The following VOPP1 variants were observed in gnomAD, a reference collection of about 807,000 sequenced individuals.
VOPP1 encodes VOPP1 WW domain binding protein, also known as WW domain binding protein VOPP1.
A neutral mutation model predicts 23.5 loss-of-function variants in VOPP1; 8 were observed. That is an observed-to-expected ratio of 0.34 (90% CI 0.20 to 0.61). The LOEUF (loss-of-function observed/expected upper bound fraction) is 0.61. Ranked by LOEUF, VOPP1 falls within the 20% of genes least tolerant of loss-of-function variation. The pLI is 0.78. For synonymous variants in VOPP1, 83 were observed against 97.3 expected, an observed-to-expected ratio of 0.85 and a Z score of 0.86; for missense variants, 174 against 238.1, an observed-to-expected ratio of 0.73 and a Z score of 1.77.
At chr7:55,528,328 A>G (rs1796307981) in intron 1 of VOPP1, among the ~76,000 whole-genome samples, 1 of 152,234 alleles carries the variant, frequency 6.6e-6, no homozygotes, top group African/African-American at 2.4e-5. Flanking sequence ...AGTTGGTACT[A>G]GAGATGATTG....
rs555394987 is a variant in VOPP1 at position 55,557,161 on chromosome 7, T to C, written c.54+15110A>G. On this transcript the variant is annotated intron_variant, in intron 1 of 4. Transcript: ENST00000285279. ...TAAATCATATTCTGACCCCTTTCATTATTTTAGGTTGGCAAGTCAATCTGC... is the reference window on the plus strand; with the variant it reads ...TAAATCATATTCTGACCCCTTTCATCATTTTAGGTTGGCAAGTCAATCTGC... 2.0e-5 allele frequency among the ~76,000 whole-genome samples: 3 copies of C among 152,302 alleles called. No individual in the cohort carries two copies. In the East Asian group the frequency reaches 5.8e-4, roughly 29 times the overall value.
chr7:55,522,997 A>G (rs191651820), intron 1 of VOPP1, among the ~76,000 whole-genome samples: 1 of 152,362 alleles, frequency 6.6e-6, no homozygotes, highest in Non-Finnish European at 1.5e-5. Context: ...GGATACAGGT[A>G]TATGAGGAAT....
chr7:55,492,453 A>G, intron 3 of VOPP1, 35 bp from the exon 4 acceptor site: 1 of 1,579,954 alleles, frequency 6.3e-7, no homozygotes, highest in Non-Finnish European at 8.6e-7. Context: ...TGGTGCTCCC[A>G]GGTGGGGGCC....
intron 1 of VOPP1, among the ~76,000 whole-genome samples, chr7:55,539,040 A>AGGGGG (rs60010511): frequency 5.7e-4 from 27 of 47,686 alleles, no homozygotes; most frequent in Admixed American, 1.3e-3. Context: ...TTAAAAAAAA[A>AGGGGG]GGGGGGGGGG....
intron 4 of VOPP1, among the ~76,000 whole-genome samples, chr7:55,436,633 TGTGTGTGCGTGCGTGGGTGTGTGTGC>T (rs1235014413): frequency 1.4e-5 from 2 of 140,604 alleles, no homozygotes; most frequent in African/African-American, 5.1e-5. Context: ...TGTGTGTGCG[TGTGTGTGCGTGCGTGGGTGTGTGTGC>T]GTGTGTGCGT....
At chr7:55,445,977 G>C (rs1472358135) in intron 4 of VOPP1, among the ~76,000 whole-genome samples, 1 of 149,424 alleles carries the variant, frequency 6.7e-6, no homozygotes, top group Non-Finnish European at 1.5e-5. Flanking sequence ...TGTTGTGGAG[G>C]TATCCAGGTG....
At chr7:55,500,905 G>A (rs1305578514) in intron 2 of VOPP1, among the ~76,000 whole-genome samples, 2 of 152,220 alleles carry the variant, frequency 1.3e-5, no homozygotes, top group East Asian at 1.9e-4. Context: ...GTAACATGGA[G>A]CCTTTCATGA....
intron 3 of VOPP1, chr7:55,493,052 T>A (rs997754966): frequency 1.3e-5 from 2 of 152,146 alleles, no homozygotes; most frequent in African/African-American, 4.8e-5. Flanking sequence ...ATACAAACAA[T>A]AACAGAAGCA....
intron 1 of VOPP1, among the ~76,000 whole-genome samples, chr7:55,562,217 A>G (rs976906016): frequency 6.6e-6 from 1 of 152,150 alleles, no homozygotes; most frequent in Non-Finnish European, 1.5e-5. Context: ...CGAATTCCAA[A>G]CCTTCAACCT....
chr7:55,491,296 G>A (rs983018403), intron 4 of VOPP1, among the ~76,000 whole-genome samples: 9 of 152,182 alleles, frequency 5.9e-5, no homozygotes, highest in African/African-American at 1.9e-4. Context: ...TTAATTGTAG[G>A]TCCTACACTG....
intron 1 of VOPP1, among the ~76,000 whole-genome samples, chr7:55,544,800 A>G (rs1315101740): frequency 6.6e-6 from 1 of 152,278 alleles, no homozygotes; most frequent in African/African-American, 2.4e-5. Flanking sequence ...TTTTGAACTC[A>G]AGGAAAATAA....
At chr7:55,522,517 A>G (rs1356748179) in intron 1 of VOPP1, among the ~76,000 whole-genome samples, 2 of 152,222 alleles carry the variant, frequency 1.3e-5, no homozygotes, top group East Asian at 3.8e-4. Context: ...ATTATAATTC[A>G]TTTCACTAGA....
rs781054866 is a variant in VOPP1, at chr7:55,448,889, AAAAC to A, written n.418-12719_418-12716del. On this transcript the variant is annotated intron_variant and non_coding_transcript_variant, in intron 4 of 4. Coordinates refer to the VOPP1 transcript ENST00000462326. ...AATGACATATTTTATTTAAAAGTGA[AAAAC>A]AAAATGGGAAGAGGGGGTTAAATAA... Among the ~76,000 whole-genome samples the A allele has an allele frequency of 5.5e-4, 83 of 151,776 alleles. 3 individuals are homozygous for A. Among genetic ancestry groups the A allele is most frequent in the Non-Finnish European group, 2.4e-4 (16 of 67,820 alleles).
intron 4 of VOPP1, among the ~76,000 whole-genome samples, chr7:55,461,817 T>C (rs1583815049): frequency 6.6e-6 from 1 of 152,246 alleles, no homozygotes; most frequent in Non-Finnish European, 1.5e-5. Context: ...AATTGTTTTC[T>C]ACTTGTTTTG....
chr7:55,445,584 C>G (rs1449665901), intron 4 of VOPP1, among the ~76,000 whole-genome samples: 1 of 152,120 alleles, frequency 6.6e-6, no homozygotes, highest in Non-Finnish European at 1.5e-5. Context: ...ATCCCCTCAA[C>G]CTGGTGTTTT....
rs994363782 is a variant in VOPP1, at chr7:55,482,183, C to CA, written c.329-9139dup. Among the ~76,000 whole-genome samples, 333 of 149,456 alleles carry CA rather than the reference C, an allele frequency of 2.2e-3. 2 individuals carry two copies. The highest frequency in any genetic ancestry group is 3.4e-3 in the Middle Eastern group (1 of 292). On this transcript the variant is annotated intron_variant, in intron 4 of 4. Transcript: ENST00000285279. The stretch of plus-strand genomic sequence containing the variant: ...TATGGAATATTTCTCAAAGAACACG[C>CA]AAAAAAAAACTGATAAGCGGGAGGA...
chr7:55,562,516 T>C (rs758197098), intron 1 of VOPP1, among the ~76,000 whole-genome samples: 1 of 152,190 alleles, frequency 6.6e-6, no homozygotes, highest in Non-Finnish European at 1.5e-5. Flanking sequence ...ACTATTGCAA[T>C]AGGGGTCAAT....
chr7:55,516,932 A>ATATATATAT (rs1562947689), intron 2 of VOPP1, among the ~76,000 whole-genome samples: 2 of 45,158 alleles, frequency 4.4e-5, no homozygotes, highest in African/African-American at 2.4e-4. Flanking sequence ...ATATATATAT[A>ATATATATAT]TTTTTTTTTT....
rs567913211 is a variant in VOPP1, at chr7:55,537,808, T to A, written c.55-16678A>T. ...AACATGCACTTCCCACAGCCCCCAC[T>A]TCCCCTCCAACTTCCACTACTTCAA... On this transcript the variant is annotated intron_variant, in intron 1 of 4. Transcript: ENST00000285279. 3.2e-6 allele frequency: 3 copies of A among 951,586 alleles called. No individual in the cohort carries two copies. In the South Asian group the frequency reaches 7.1e-5, roughly 23 times the overall value. The allele number at this position is 951,586 out of a possible 1,614,324, so 58.9% of individuals were successfully genotyped here. A position where few individuals can be genotyped will look rare whatever the true frequency, so the allele number is the denominator to read the frequency against.
Sources: allele counts gnomAD v4.1 joint callset (sites outside exome capture counted in the v4.1 genomes callset), GRCh38; gene constraint gnomAD v4.1.1; transcripts MANE v1.5; gene names NCBI Gene and HGNC (gene_info 2026-07-23, HGNC 2026-07-21).